MAGI2: variants seen among roughly 807,000 people sequenced by gnomAD.
MAGI2 encodes the protein membrane associated guanylate kinase, WW and PDZ domain containing 2.
A neutral mutation model predicts 133.3 loss-of-function variants in MAGI2; 35 were observed. The observed-to-expected ratio is 0.26, with a 90% CI of 0.20 to 0.35. The LOEUF (loss-of-function observed/expected upper bound fraction) is 0.35, where lower values mean the gene tolerates loss of function less well. MAGI2 is among the 10% of genes least tolerant of loss of function. MAGI2 has a pLI of 1.00. For missense variants in MAGI2, 1,636 were observed against 1,863.4 expected (o/e 0.88, Z 2.25); for synonymous variants, 729 against 710.6 (o/e 1.03, Z -0.41).
chr7:78,081,683 A>G (rs1815989578), intron 20 of MAGI2, among the ~76,000 whole-genome samples: 1 of 152,210 alleles, frequency 6.6e-6, no homozygotes, highest in African/African-American at 2.4e-5. Context: ...TATACTGTTC[A>G]GGAGTTTAGG....
chr7:79,276,067 G>A (rs574067610), intron 1 of MAGI2, among the ~76,000 whole-genome samples: 12 of 152,228 alleles, frequency 7.9e-5, no homozygotes, highest in Non-Finnish European at 1.5e-4. Flanking sequence ...GAGTAATTCC[G>A]ACTTTCAAGT....
At chr7:78,111,553 A>G (rs934726701) in intron 20 of MAGI2, among the ~76,000 whole-genome samples, 5 of 152,168 alleles carry the variant, frequency 3.3e-5, no homozygotes, top group East Asian at 3.9e-4. Context: ...ATAATTGACA[A>G]TGGAGCTCCC....
At chr7:79,131,881 T>TA (rs918399822) in intron 1 of MAGI2, among the ~76,000 whole-genome samples, 38 of 152,062 alleles carry the variant, frequency 2.5e-4, no homozygotes, top group African/African-American at 6.3e-4. Context: ...CCCTTTCAAA[T>TA]AAAAAAATTG....
chr7:79,375,570 A>G lies in MAGI2; in HGVS notation c.301+77450T>C, dbSNP rs1843328841. ...TATATAACATTTTAGCTGTAACAGT[A>G]TAAGTTTACACACATTAGCCCATTT... On this transcript the variant is annotated intron_variant, in intron 1 of 21. Coordinates refer to ENST00000354212, the MANE Select transcript of MAGI2 (RefSeq NM_012301.4). Among the ~76,000 whole-genome samples the G allele has an allele frequency of 2.1e-5, 3 of 144,084 alleles. No individual in the cohort carries two copies. In the South Asian group the frequency reaches 6.4e-4, roughly 31 times the overall value. 94.5% of individuals were successfully genotyped at this position (144,084 alleles called of 152,430 possible). A position where few individuals can be genotyped will look rare whatever the true frequency, so the allele number is the denominator to read the frequency against.
At chr7:78,149,439 T>C (rs1823646900) in intron 16 of MAGI2, among the ~76,000 whole-genome samples, 1 of 152,192 alleles carries the variant, frequency 6.6e-6, no homozygotes, top group Non-Finnish European at 1.5e-5. Context: ...CTTGTGATCA[T>C]ACACATCGAT....
At chr7:78,780,740 T>C (rs1391556074) in intron 2 of MAGI2, among the ~76,000 whole-genome samples, 1 of 152,158 alleles carries the variant, frequency 6.6e-6, no homozygotes, top group African/African-American at 2.4e-5. Flanking sequence ...GTGTTAATTG[T>C]AGTATTTGTC....
At chr7:79,044,324 A>G (rs1451483971) in intron 1 of MAGI2, among the ~76,000 whole-genome samples, 1 of 152,214 alleles carries the variant, frequency 6.6e-6, no homozygotes, top group Non-Finnish European at 1.5e-5. Context: ...AGAACTAAAA[A>G]CAAAAAACAC....
At chr7:78,259,521 C>T (rs1434298008) in intron 9 of MAGI2, among the ~76,000 whole-genome samples, 1 of 152,160 alleles carries the variant, frequency 6.6e-6, no homozygotes, top group Non-Finnish European at 1.5e-5. Context: ...ATTGCTATTT[C>T]AGTAATTACT....
intron 6 of MAGI2, among the ~76,000 whole-genome samples, chr7:78,414,386 T>C (rs1055839133): frequency 2.8e-4 from 43 of 151,942 alleles, no homozygotes; most frequent in African/African-American, 1.0e-3. Flanking sequence ...AAAATACATA[T>C]ACAGAGAAAA....
chr7:78,147,850 CA>C (rs1204550626), intron 16 of MAGI2, among the ~76,000 whole-genome samples: 1 of 151,822 alleles, frequency 6.6e-6, no homozygotes, highest in African/African-American at 2.4e-5. Flanking sequence ...AAACCACCCC[CA>C]AACCCCAAAA....
At chr7:78,641,871 T>G (rs114670278) in intron 2 of MAGI2, among the ~76,000 whole-genome samples, 1,592 of 152,240 alleles carry the variant, frequency 0.01, 29 homozygotes, top group African/African-American at 0.036. Flanking sequence ...GGGAAATACG[T>G]GTTTTGTGAG....
intron 3 of MAGI2, among the ~76,000 whole-genome samples, chr7:78,536,139 G>T (rs1312704625): frequency 9.8e-4 from 95 of 96,702 alleles, no homozygotes; most frequent in Non-Finnish European, 1.4e-3. Context: ...TTGAGACGGA[G>T]TCTCGCTCTG....
intron 4 of MAGI2, among the ~76,000 whole-genome samples, chr7:78,503,591 C>CCTCCTCCTT (rs1431806503): frequency 1.0e-5 from 1 of 97,480 alleles, no homozygotes; most frequent in Non-Finnish European, 2.1e-5. Context: ...TCCTCCTCCT[C>CCTCCTCCTT]CCCCTCCTCC....
At chr7:79,125,651 T>C (rs1820347887) in intron 1 of MAGI2, 1 of 528,686 alleles carries the variant, frequency 1.9e-6, no homozygotes, top group Non-Finnish European at 3.7e-6. Context: ...ATTTTGGAAA[T>C]TACAACAATC....
chr7:79,400,226 A>G (rs986714798), intron 1 of MAGI2, among the ~76,000 whole-genome samples: 1 of 152,212 alleles, frequency 6.6e-6, no homozygotes, highest in Non-Finnish European at 1.5e-5. Context: ...TATGTGTAGT[A>G]TTACTGAATT....
chr7:78,264,125 A>G (rs1793775444), intron 9 of MAGI2, among the ~76,000 whole-genome samples: 1 of 152,166 alleles, frequency 6.6e-6, no homozygotes, highest in South Asian at 2.1e-4. Flanking sequence ...AGCATTGACT[A>G]CCATTTTAAT....
chr7:78,441,926 C>T (rs569670856), intron 6 of MAGI2, among the ~76,000 whole-genome samples: 1 of 152,238 alleles, frequency 6.6e-6, no homozygotes, highest in Non-Finnish European at 1.5e-5. Context: ...TGGCAAATCC[C>T]AAATCTCACA....
chr7:78,020,058 C>T (rs1808206813), intron 21 of MAGI2, 82 bp from the exon 22 acceptor site: 1 of 1,271,258 alleles, frequency 7.9e-7, no homozygotes, highest in Non-Finnish European at 1.1e-6. Context: ...CAGGGGCAGG[C>T]AGCTGGGGCG....
At chr7:79,038,986 C>T (rs1811366276) in intron 1 of MAGI2, among the ~76,000 whole-genome samples, 1 of 152,200 alleles carries the variant, frequency 6.6e-6, no homozygotes, top group Admixed American at 6.5e-5. Flanking sequence ...TTTGCAATTA[C>T]ATAAATTGCT....
Sources: allele counts gnomAD v4.1 joint callset (sites outside exome capture counted in the v4.1 genomes callset), GRCh38; gene constraint gnomAD v4.1.1; transcripts MANE v1.5; gene names NCBI Gene and HGNC (gene_info 2026-07-23, HGNC 2026-07-21).